Variants in PAPPA2 observed in about 807,000 individuals in gnomAD.
PAPPA2 encodes the protein pappalysin-2.
Under a neutral mutation model 176.4 loss-of-function variants are expected in PAPPA2, and 86 were observed. The observed-to-expected ratio is 0.49, with a 90% CI of 0.41 to 0.58. The LOEUF (loss-of-function observed/expected upper bound fraction) is 0.58. Ranked by LOEUF, PAPPA2 falls within the 20% of genes least tolerant of loss-of-function variation. The pLI is 0.00. For missense variants in PAPPA2, 2,073 were observed against 2,256.9 expected, an observed-to-expected ratio of 0.92 and a Z score of 1.65; for synonymous variants, 809 against 852.2, an observed-to-expected ratio of 0.95 and a Z score of 0.88.
intron 18 of PAPPA2, 117 bp from the exon 19 acceptor site, chr1:176,791,230 T>C (rs1665164082): frequency 6.5e-6 from 3 of 463,366 alleles, no homozygotes; most frequent in Non-Finnish European, 1.0e-5. Context: ...GTTTCAATAG[T>C]GTCTTTTGGT....
At chr1:176,573,864 G>A (rs1436709981) in intron 2 of PAPPA2, among the ~76,000 whole-genome samples, 1 of 152,098 alleles carries the variant, frequency 6.6e-6, no homozygotes, top group Non-Finnish European at 1.5e-5. Flanking sequence ...GGCACTGTGG[G>A]CAGAGCTGTG....
At chr1:176,827,042 G>T (rs1029880321) in intron 21 of PAPPA2, among the ~76,000 whole-genome samples, 1 of 152,108 alleles carries the variant, frequency 6.6e-6, no homozygotes, top group Non-Finnish European at 1.5e-5. Flanking sequence ...ATCTCCACTG[G>T]TCTTCTGCCC....
At chr1:176,834,937 C>CTCCA (rs907926711) in intron 21 of PAPPA2, among the ~76,000 whole-genome samples, 6 of 152,160 alleles carry the variant, frequency 3.9e-5, no homozygotes, top group African/African-American at 1.4e-4. Context: ...TGCCACTGCA[C>CTCCA]TCCAGCCTGG....
chr1:176,704,805 T>C (rs1354736359), intron 9 of PAPPA2, among the ~76,000 whole-genome samples: 2 of 152,182 alleles, frequency 1.3e-5, no homozygotes, highest in Non-Finnish European at 2.9e-5. Context: ...ACAAAAATAA[T>C]GTAACATGCC....
At chr1:176,659,616 A>T (rs1290615226) in intron 3 of PAPPA2, among the ~76,000 whole-genome samples, 2 of 152,126 alleles carry the variant, frequency 1.3e-5, no homozygotes, top group African/African-American at 4.8e-5. Context: ...GGTGCATTCA[A>T]AAAATATAAG....
chr1:176,524,839 C>G (rs879650434), intron 1 of PAPPA2, among the ~76,000 whole-genome samples: 17 of 151,886 alleles, frequency 1.1e-4, no homozygotes, highest in African/African-American at 4.1e-4. Flanking sequence ...CTGGCTAACA[C>G]GATGAAACCC....
At chr1:176,488,651 C>G (rs1250196824) in intron 1 of PAPPA2, among the ~76,000 whole-genome samples, 2 of 152,116 alleles carry the variant, frequency 1.3e-5, no homozygotes, top group Admixed American at 1.3e-4. Context: ...ACAGCGAGCA[C>G]TTTGTAAATA....
intron 3 of PAPPA2, among the ~76,000 whole-genome samples, chr1:176,668,679 G>A (rs913026861): frequency 6.6e-6 from 1 of 152,142 alleles, no homozygotes; most frequent in South Asian, 2.1e-4. Context: ...ACTCTCGTTG[G>A]TTTAGAGAAA....
intron 4 of PAPPA2, among the ~76,000 whole-genome samples, chr1:176,673,436 C>T (rs1450267344): frequency 6.6e-6 from 1 of 152,058 alleles, no homozygotes; most frequent in African/African-American, 2.4e-5. Context: ...ATGCACACTC[C>T]CATCACCAAG....
At chr1:176,514,491 C>G (rs1648790926) in intron 1 of PAPPA2, among the ~76,000 whole-genome samples, 4 of 152,118 alleles carry the variant, frequency 2.6e-5, no homozygotes, top group Admixed American at 2.6e-4. Flanking sequence ...CTCCTGGATC[C>G]CCCGGACCTT....
chr1:176,560,960 A>C (rs551020406), intron 2 of PAPPA2, among the ~76,000 whole-genome samples: 1 of 152,340 alleles, frequency 6.6e-6, no homozygotes, highest in East Asian at 1.9e-4. Context: ...AGTGCCTTCC[A>C]TGCAAAGCAC....
intron 9 of PAPPA2, among the ~76,000 whole-genome samples, chr1:176,705,563 T>C (rs1322771758): frequency 6.6e-6 from 1 of 152,188 alleles, no homozygotes; most frequent in Non-Finnish European, 1.5e-5. Flanking sequence ...CATTTTGCAA[T>C]AGCCAAATAT....
At chr1:176,582,611 A>G (rs1653054634) in intron 2 of PAPPA2, among the ~76,000 whole-genome samples, 1 of 152,018 alleles carries the variant, frequency 6.6e-6, no homozygotes, top group Admixed American at 6.5e-5. Context: ...GATGAATCCC[A>G]CTTGATCATA....
intron 1 of PAPPA2, among the ~76,000 whole-genome samples, chr1:176,535,362 C>T (rs1650015831): frequency 1.3e-5 from 2 of 152,168 alleles, no homozygotes; most frequent in Admixed American, 6.5e-5. Flanking sequence ...TTTTGCTAAC[C>T]TCTAGATTTC....
intron 19 of PAPPA2, among the ~76,000 whole-genome samples, chr1:176,792,409 T>G (rs965187956): frequency 6.6e-6 from 1 of 152,220 alleles, no homozygotes; most frequent in Non-Finnish European, 1.5e-5. Flanking sequence ...CATTGCCATC[T>G]TCAAGGTGCT....
At position 176,580,409 on chromosome 1, in the gene PAPPA2, G is replaced by A. The variant is rs542972168; in HGVS notation, c.920-14115G>A. Among the ~76,000 whole-genome samples, 16 of 152,176 alleles carry A rather than the reference G, an allele frequency of 1.1e-4. 1 individual carries two copies. Among genetic ancestry groups the A allele is most frequent in the Admixed American group, 3.3e-4 (5 of 15,288 alleles). ...CTGCATCTTCTTTATCTATTCATCCGTTGTTGGGCACTGGGGTTGATTCTA... is the reference window on the plus strand; with the variant it reads ...CTGCATCTTCTTTATCTATTCATCCATTGTTGGGCACTGGGGTTGATTCTA... On this transcript the variant is annotated intron_variant, in intron 2 of 22. Coordinates refer to ENST00000367662, the MANE Select transcript of PAPPA2 (RefSeq NM_020318.3).
At chr1:176,821,508 T>A (rs1254669266) in intron 21 of PAPPA2, among the ~76,000 whole-genome samples, 1 of 152,248 alleles carries the variant, frequency 6.6e-6, no homozygotes, top group Non-Finnish European at 1.5e-5. Context: ...TTCTCACTCA[T>A]GCATCTACAA....
intron 3 of PAPPA2, among the ~76,000 whole-genome samples, chr1:176,630,038 G>A (rs1167863017): frequency 6.6e-6 from 1 of 152,098 alleles, no homozygotes; most frequent in Admixed American, 6.5e-5. Context: ...CAGCCTGGGG[G>A]ACAAGAGTGA....
intron 1 of PAPPA2, among the ~76,000 whole-genome samples, chr1:176,499,077 G>A (rs992672369): frequency 1.3e-5 from 2 of 152,024 alleles, no homozygotes; most frequent in South Asian, 2.1e-4. Context: ...ATTGGGTGAC[G>A]CAGAGGTGCT....
Sources: gnomAD v4.1 joint callset for allele counts (sites outside exome capture counted in the v4.1 genomes callset) on GRCh38, gnomAD v4.1.1 for gene constraint, MANE v1.5 for transcripts, NCBI Gene and HGNC (gene_info 2026-07-23, HGNC 2026-07-21) for gene names.